The following SLC35F1 variants were observed in gnomAD, a reference collection of about 807,000 sequenced individuals.
The protein encoded by SLC35F1 is chromosome 6 open reading frame 169.
Under a neutral mutation model 48.7 loss-of-function variants are expected in SLC35F1, and 14 were observed. The ratio of observed to expected loss-of-function variants is 0.29; its 90% CI spans 0.19 to 0.45. The LOEUF is 0.45. Ranked by LOEUF, SLC35F1 falls within the 20% of genes least tolerant of loss-of-function variation. SLC35F1 has a pLI of 1.00. For synonymous variants in SLC35F1, 190 were observed against 202.2 expected, an observed-to-expected ratio of 0.94 and a Z score of 0.51; for missense variants, 404 against 500.0, an observed-to-expected ratio of 0.81 and a Z score of 1.83.
intron 1 of SLC35F1, among the ~76,000 whole-genome samples, chr6:118,127,826 A>C (rs1298256544): frequency 6.6e-6 from 1 of 151,100 alleles, no homozygotes; most frequent in Non-Finnish European, 1.5e-5. Context: ...TAATTAAACT[A>C]AAGAGCTTCT....
intron 2 of SLC35F1, among the ~76,000 whole-genome samples, chr6:118,168,115 T>A (rs951810847): frequency 3.3e-5 from 5 of 152,188 alleles, no homozygotes; most frequent in Admixed American, 3.3e-4. Context: ...CAGCTTCTGT[T>A]CTTCCAGTCC....
intron 1 of SLC35F1, among the ~76,000 whole-genome samples, chr6:118,006,815 T>C (rs894206692): frequency 6.6e-6 from 1 of 152,066 alleles, no homozygotes; most frequent in African/African-American, 2.4e-5. Flanking sequence ...CTCCCAGAAG[T>C]AGCTCATGAG....
chr6:117,957,515 G>T (rs1338399684), intron 1 of SLC35F1, among the ~76,000 whole-genome samples: 1 of 152,158 alleles, frequency 6.6e-6, no homozygotes, highest in Non-Finnish European at 1.5e-5. Flanking sequence ...ACAGTCCATT[G>T]TTCCTTTGGA....
chr6:117,947,350 T>C (rs1451064862), intron 1 of SLC35F1, among the ~76,000 whole-genome samples: 3 of 151,984 alleles, frequency 2.0e-5, no homozygotes, highest in South Asian at 2.1e-4. Flanking sequence ...ATTCTAGAGA[T>C]GAAAGGAGGA....
intron 1 of SLC35F1, among the ~76,000 whole-genome samples, chr6:117,958,868 A>G (rs1283761025): frequency 6.6e-6 from 1 of 152,244 alleles, no homozygotes; most frequent in Non-Finnish European, 1.5e-5. Flanking sequence ...AGTTAGCCAC[A>G]GAGTGTTTCA....
At chr6:118,149,799 A>G (rs1304578075) in intron 1 of SLC35F1, among the ~76,000 whole-genome samples, 1 of 152,238 alleles carries the variant, frequency 6.6e-6, no homozygotes, top group Non-Finnish European at 1.5e-5. Flanking sequence ...AGAAACAAGA[A>G]TAGATTTGTA....
intron 2 of SLC35F1, among the ~76,000 whole-genome samples, chr6:118,174,903 AC>A (rs1217127534): frequency 5.9e-5 from 9 of 152,190 alleles, no homozygotes; most frequent in South Asian, 2.1e-4. Context: ...GAAAAAAAAA[AC>A]AACCCTGTCA....
intron 1 of SLC35F1, among the ~76,000 whole-genome samples, chr6:118,130,317 C>T (rs151085885): frequency 8.5e-5 from 13 of 152,082 alleles, no homozygotes; most frequent in African/African-American, 1.2e-4. Context: ...TCTTAAGAGG[C>T]GTGTGCTTCA....
intron 1 of SLC35F1, among the ~76,000 whole-genome samples, chr6:118,006,993 T>C (rs995271320): frequency 2.0e-5 from 3 of 151,928 alleles, no homozygotes; most frequent in African/African-American, 7.3e-5. Flanking sequence ...TTAATAAATG[T>C]ATTTATTCAG....
At chr6:118,134,431 T>C (rs150822577) in intron 1 of SLC35F1, among the ~76,000 whole-genome samples, 3 of 152,328 alleles carry the variant, frequency 2.0e-5, no homozygotes, top group Non-Finnish European at 4.4e-5. Flanking sequence ...GATTCAGCAC[T>C]CCAGGGGCAT....
chr6:118,150,011 T>A (rs112266017), intron 1 of SLC35F1, among the ~76,000 whole-genome samples: 7 of 152,272 alleles, frequency 4.6e-5, no homozygotes, highest in African/African-American at 1.7e-4. Context: ...TATAGCATAA[T>A]AATTAAAAAG....
intron 2 of SLC35F1, among the ~76,000 whole-genome samples, chr6:118,214,080 G>T (rs986023223): frequency 6.6e-6 from 1 of 152,084 alleles, no homozygotes; most frequent in African/African-American, 2.4e-5. Context: ...GTTTTCTCAA[G>T]TTCACTACTA....
intron 2 of SLC35F1, among the ~76,000 whole-genome samples, chr6:118,173,948 T>C (rs1181401825): frequency 6.6e-6 from 1 of 152,182 alleles, no homozygotes; most frequent in Non-Finnish European, 1.5e-5. Context: ...TCAGATTCCA[T>C]GCCTGAAGAA....
At chr6:117,909,822 C>T (rs960880299) in intron 1 of SLC35F1, among the ~76,000 whole-genome samples, 6 of 151,990 alleles carry the variant, frequency 3.9e-5, no homozygotes, top group African/African-American at 1.5e-4. Context: ...TCTAATGAAA[C>T]GATCTGTGAC....
intron 2 of SLC35F1, among the ~76,000 whole-genome samples, chr6:118,170,535 G>A (rs1304482322): frequency 6.6e-6 from 1 of 152,124 alleles, no homozygotes; most frequent in Non-Finnish European, 1.5e-5. Flanking sequence ...TGCCTCCTGG[G>A]CTCAAGCCTT....
intron 2 of SLC35F1, among the ~76,000 whole-genome samples, chr6:118,165,782 C>G (rs907911383): frequency 2.0e-5 from 3 of 152,184 alleles, no homozygotes; most frequent in Non-Finnish European, 4.4e-5. Context: ...CTGATAACTT[C>G]CAGCAAGGAA....
intron 2 of SLC35F1, among the ~76,000 whole-genome samples, chr6:118,179,699 T>C (rs1007072068): frequency 9.9e-5 from 15 of 152,138 alleles, no homozygotes; most frequent in Admixed American, 9.8e-4. Context: ...ACAGTACTCT[T>C]GGGATTGTGG....
chr6:118,009,122 T>C (rs1777212867), intron 1 of SLC35F1, among the ~76,000 whole-genome samples: 1 of 152,152 alleles, frequency 6.6e-6, no homozygotes, highest in Non-Finnish European at 1.5e-5. Flanking sequence ...GTGTGTCGAA[T>C]TATTCATTTA....
chr6:118,150,878 T>G (rs780955215), intron 1 of SLC35F1, among the ~76,000 whole-genome samples: 7 of 152,296 alleles, frequency 4.6e-5, no homozygotes, highest in South Asian at 4.1e-4. Context: ...TCAACATCTC[T>G]AATTTCTCAC....
Sources: gnomAD v4.1 joint callset for allele counts (sites outside exome capture counted in the v4.1 genomes callset) on GRCh38, gnomAD v4.1.1 for gene constraint, MANE v1.5 for transcripts, NCBI Gene and HGNC (gene_info 2026-07-23, HGNC 2026-07-21) for gene names.